Variants in EYS observed in about 807,000 individuals in gnomAD.
EYS encodes EGF-like photoreceptor maintenance factor.
In EYS, 250 loss-of-function variants were observed where a neutral mutation model predicts 282.1. The ratio of observed to expected loss-of-function variants is 0.89; its 90% CI spans 0.80 to 0.98. The LOEUF is 0.98. Among genes scored for constraint, EYS ranks in the 50% least tolerant of loss-of-function variants. EYS has a pLI of 0.00. For synonymous variants in EYS, 1,355 were observed against 1,282.9 expected (o/e 1.06, Z -1.20); for missense variants, 4,016 against 3,709.0 (o/e 1.08, Z -2.15).
intron 18 of EYS, among the ~76,000 whole-genome samples, chr6:64,888,749 T>A (rs944054015): frequency 6.6e-6 from 1 of 152,028 alleles, no homozygotes; most frequent in African/African-American, 2.4e-5. Context: ...ATGTAATGAA[T>A]CTGCTAAATG....
intron 11 of EYS, chr6:65,330,119 C>G (rs1769742268): frequency 1.0e-6 from 1 of 981,294 alleles, no homozygotes; most frequent in Non-Finnish European, 1.2e-6. Context: ...AAAATGTGTT[C>G]ACTTTCTAAA....
chr6:65,112,576 C>T (rs1775243200), intron 12 of EYS, among the ~76,000 whole-genome samples: 1 of 152,174 alleles, frequency 6.6e-6, no homozygotes, highest in African/African-American at 2.4e-5. Context: ...AAATAGCTTA[C>T]ATTACATTGT....
chr6:65,382,751 G>A (rs1476157550), intron 8 of EYS, among the ~76,000 whole-genome samples: 2 of 151,926 alleles, frequency 1.3e-5, no homozygotes, highest in Non-Finnish European at 2.9e-5. Context: ...TAGGCTGGGA[G>A]GCTAAGCCTG....
At chr6:64,876,969 T>A (rs561447031) in intron 19 of EYS, among the ~76,000 whole-genome samples, 1 of 152,244 alleles carries the variant, frequency 6.6e-6, no homozygotes, top group African/African-American at 2.4e-5. Flanking sequence ...TTTAAAATGA[T>A]CACTCTGGGT....
At chr6:64,204,466 C>G (rs148738247) in intron 31 of EYS, among the ~76,000 whole-genome samples, 5 of 152,012 alleles carry the variant, frequency 3.3e-5, no homozygotes, top group Admixed American at 1.3e-4. Flanking sequence ...TGGAAGTAGT[C>G]AAGGTGTCCA....
chr6:64,416,108 C>T (rs1334830166), intron 28 of EYS, among the ~76,000 whole-genome samples: 4 of 152,094 alleles, frequency 2.6e-5, no homozygotes, highest in African/African-American at 7.2e-5. Flanking sequence ...TGGCTACCTT[C>T]GCACATGAAT....
At chr6:65,333,727 A>G (rs1582151639) in intron 11 of EYS, among the ~76,000 whole-genome samples, 1 of 144,912 alleles carries the variant, frequency 6.9e-6, no homozygotes, top group East Asian at 2.0e-4. Context: ...AGTTGTGTAT[A>G]TACATATATA....
intron 19 of EYS, among the ~76,000 whole-genome samples, chr6:64,875,430 A>G (rs1281225299): frequency 6.6e-6 from 1 of 152,042 alleles, no homozygotes; most frequent in Non-Finnish European, 1.5e-5. Flanking sequence ...GCTCCGGGCT[A>G]TATCTTCTTC....
At chr6:64,214,087 G>T (rs1582436982) in intron 31 of EYS, among the ~76,000 whole-genome samples, 1 of 152,104 alleles carries the variant, frequency 6.6e-6, no homozygotes, top group East Asian at 1.9e-4. Flanking sequence ...AATGTGTACA[G>T]ATCTTAAGTT....
At chr6:65,317,060 C>T (rs1769314124) in intron 11 of EYS, among the ~76,000 whole-genome samples, 1 of 151,996 alleles carries the variant, frequency 6.6e-6, no homozygotes, top group South Asian at 2.1e-4. Flanking sequence ...ACTATGATTT[C>T]TCTTTATGTT....
chr6:63,978,579 G>A (rs891005916), intron 35 of EYS, among the ~76,000 whole-genome samples: 10 of 151,836 alleles, frequency 6.6e-5, no homozygotes, highest in African/African-American at 2.2e-4. Context: ...AGCTAGATTT[G>A]GGGTAATCTG....
chr6:63,750,621 C>T (rs1769320211), intron 41 of EYS, among the ~76,000 whole-genome samples: 1 of 152,190 alleles, frequency 6.6e-6, no homozygotes, highest in Non-Finnish European at 1.5e-5. Flanking sequence ...ACATTGGACT[C>T]ATGTTCTACT....
At chr6:64,691,451 G>C (rs1287684911) in intron 22 of EYS, among the ~76,000 whole-genome samples, 1 of 152,172 alleles carries the variant, frequency 6.6e-6, no homozygotes, top group African/African-American at 2.4e-5. Flanking sequence ...TGTACATATA[G>C]TCAATGAATT....
intron 14 of EYS, among the ~76,000 whole-genome samples, chr6:64,973,088 A>G (rs1344395967): frequency 6.6e-6 from 1 of 152,056 alleles, no homozygotes; most frequent in Non-Finnish European, 1.5e-5. Flanking sequence ...TTTGTACTAT[A>G]TGATTTATAG....
At chr6:64,325,862 G>T (rs776724047) in intron 29 of EYS, among the ~76,000 whole-genome samples, 1 of 151,754 alleles carries the variant, frequency 6.6e-6, no homozygotes, top group Non-Finnish European at 1.5e-5. Flanking sequence ...AAAAGACAAA[G>T]AAAAAAATAA....
At chr6:64,366,423 A>G (rs1772181348) in intron 29 of EYS, among the ~76,000 whole-genome samples, 1 of 152,052 alleles carries the variant, frequency 6.6e-6, no homozygotes, top group Admixed American at 6.6e-5. Flanking sequence ...TCCTCACTAG[A>G]CCAACCAAAT....
intron 24 of EYS, among the ~76,000 whole-genome samples, chr6:64,603,861 C>CTGTG (rs34430318): frequency 0.17 from 24,541 of 147,514 alleles, 2,349 homozygotes; most frequent in Middle Eastern, 0.28. Flanking sequence ...AAATGAATAC[C>CTGTG]TGTGTGTGTG....
chr6:64,979,387 T>C (rs1325286109), intron 14 of EYS, among the ~76,000 whole-genome samples: 4 of 151,778 alleles, frequency 2.6e-5, no homozygotes, highest in Non-Finnish European at 5.9e-5. Flanking sequence ...ATCTCAAGAT[T>C]ATGAGAAACT....
chr6:64,350,067 A>G (rs1276446626), intron 29 of EYS, among the ~76,000 whole-genome samples: 4 of 151,370 alleles, frequency 2.6e-5, no homozygotes, highest in Non-Finnish European at 4.4e-5. Flanking sequence ...GATTCTTGTA[A>G]CTCTAGATTC....
Sources: allele counts gnomAD v4.1 joint callset (sites outside exome capture counted in the v4.1 genomes callset), GRCh38; gene constraint gnomAD v4.1.1; transcripts MANE v1.5; gene names NCBI Gene and HGNC (gene_info 2026-07-23, HGNC 2026-07-21).